The following SLC41A3 variants were observed in gnomAD, a reference collection of about 807,000 sequenced individuals.
SLC41A3 encodes SLC41A1-like 2.
A neutral mutation model predicts 45.4 loss-of-function variants in SLC41A3; 44 were observed. The observed-to-expected ratio is 0.97, with a 90% CI of 0.76 to 1.25. The LOEUF (loss-of-function observed/expected upper bound fraction) is 1.25, where lower values mean the gene tolerates loss of function less well. Ranked by LOEUF, SLC41A3 falls within the 50% of genes most tolerant of loss-of-function variation. The probability of loss-of-function intolerance (pLI) is 0.00; values close to 1 mark genes in which losing one functional copy is unlikely to be tolerated. For missense variants in SLC41A3, 550 were observed against 600.6 expected (o/e 0.92, Z 0.88); for synonymous variants, 256 against 252.4 (o/e 1.01, Z -0.13).
chr3:126,086,426 TTTTTTTTTTTTG>T (rs1945393771), upstream of SLC41A3, among the ~76,000 whole-genome samples: 2 of 143,380 alleles, frequency 1.4e-5, no homozygotes, highest in Admixed American at 7.0e-5. Flanking sequence ...TTTTTTTTTT[TTTTTTTTTTTTG>T]CAAGCTGGGG....
At chr3:126,086,408 G>GTTTTTTTTTTTTTTTTTT (rs57316346), upstream of SLC41A3, among the ~76,000 whole-genome samples, 2 of 21,178 alleles carry the variant, frequency 9.4e-5, no homozygotes, top group Non-Finnish European at 2.2e-4. Flanking sequence ...TTGTTTTCTT[G>GTTTTTTTTTTTTTTTTTT]TTTTTTTTTT....
At chr3:126,039,956 T>G (rs1030656767) in intron 3 of SLC41A3, among the ~76,000 whole-genome samples, 2 of 152,178 alleles carry the variant, frequency 1.3e-5, no homozygotes, top group African/African-American at 4.8e-5. Flanking sequence ...AGATCTTGTT[T>G]GCTAAATTCA....
intron 4 of SLC41A3, among the ~76,000 whole-genome samples, chr3:126,031,414 C>T (rs990681454): frequency 3.3e-5 from 5 of 152,130 alleles, no homozygotes; most frequent in Non-Finnish European, 7.4e-5. Context: ...GCTAGGAAGA[C>T]CTCAAGGCCC....
chr3:126,043,180 G>C (rs964042834), intron 3 of SLC41A3, among the ~76,000 whole-genome samples: 2 of 152,070 alleles, frequency 1.3e-5, no homozygotes, highest in Non-Finnish European at 1.5e-5. Flanking sequence ...ACATACAAAA[G>C]ATCCTCAATA....
chr3:126,098,446 C>T (rs1416856611), intron 1 of SLC41A3, among the ~76,000 whole-genome samples: 1 of 152,214 alleles, frequency 6.6e-6, no homozygotes, highest in Non-Finnish European at 1.5e-5. Flanking sequence ...GCCCCTGGGC[C>T]ATGGTATTTT....
chr3:126,049,352 T>C (rs1465057189), intron 3 of SLC41A3, among the ~76,000 whole-genome samples: 1 of 152,154 alleles, frequency 6.6e-6, no homozygotes, highest in Non-Finnish European at 1.5e-5. Context: ...CCGGGTGTGA[T>C]GGCACACACC....
At chr3:126,059,259 GAAAGAAGA>G (rs1943880175) in intron 2 of SLC41A3, among the ~76,000 whole-genome samples, 2 of 3,354 alleles carry the variant, frequency 6.0e-4, no homozygotes, top group African/African-American at 1.1e-3. Flanking sequence ...AAGAAAGAAA[GAAAGAAGA>G]AAGAAAGAAA....
chr3:126,098,854 G>A (rs899165482), intron 1 of SLC41A3, among the ~76,000 whole-genome samples: 12 of 151,702 alleles, frequency 7.9e-5, no homozygotes, highest in Admixed American at 7.9e-4. Context: ...CTGGGAACAG[G>A]CCCCAGTGGT....
At chr3:126,081,165 G>C (rs1945130662) in intron 1 of SLC41A3, among the ~76,000 whole-genome samples, 1 of 152,150 alleles carries the variant, frequency 6.6e-6, no homozygotes, top group Non-Finnish European at 1.5e-5. Context: ...ACACAATGGA[G>C]TACTATTCAG....
intron 8 of SLC41A3, among the ~76,000 whole-genome samples, chr3:126,014,784 GTTC>G (rs1022036426): frequency 1.3e-4 from 20 of 152,338 alleles, no homozygotes; most frequent in African/African-American, 4.8e-4. Context: ...AACATGTTTT[GTTC>G]TTCTCCTAAC....
chr3:126,087,227 GA>G (rs1217602062), upstream of SLC41A3, among the ~76,000 whole-genome samples: 2 of 151,906 alleles, frequency 1.3e-5, no homozygotes, highest in African/African-American at 2.4e-5. Context: ...TGAGTTACTG[GA>G]AAAAATACTC....
Position 126,012,747 on chromosome 3 carries a change from C to T in SLC41A3, c.973G>A (p.Val325Ile), listed in dbSNP as rs1939852343. ...MAIFTPVICGVGGNLVAIQTS... is the reference protein window; with the variant it reads ...MAIFTPVICGIGGNLVAIQTS... Reference sequence around the variant, plus strand: ...TGAATGGCCACCAGATTGCCACCAACACCTACGAGGAGAAAAGGAATCTGT... The same window carrying T: ...TGAATGGCCACCAGATTGCCACCAATACCTACGAGGAGAAAAGGAATCTGT... The change falls in exon 9 of 11, where the codon GTT becomes ATT. Residue 325 changes from valine to isoleucine, a missense_variant and splice_region_variant. Val to Ile is a conservative substitution (Grantham distance 29, BLOSUM62 3). Transcript: ENST00000360370. The T allele has an allele frequency of 6.2e-7, 1 of 1,614,192 alleles. No individual in the cohort carries two copies. The highest frequency in any genetic ancestry group is 1.7e-5 in the Admixed American group (1 of 60,026).
chr3:126,011,078 C>G (rs1202574380), intron 9 of SLC41A3, among the ~76,000 whole-genome samples: 1 of 152,176 alleles, frequency 6.6e-6, no homozygotes, highest in Non-Finnish European at 1.5e-5. Context: ...AGACAACCAA[C>G]AGACAGCAGA....
chr3:126,048,801 ATGTTC>A (rs1321649439), intron 3 of SLC41A3, among the ~76,000 whole-genome samples: 1 of 152,126 alleles, frequency 6.6e-6, no homozygotes, highest in Non-Finnish European at 1.5e-5. Flanking sequence ...GGAGATGGAG[ATGTTC>A]TGTGTCTCAA....
intron 2 of SLC41A3, chr3:126,067,680 A>C: frequency 1.8e-6 from 1 of 541,960 alleles, no homozygotes; most frequent in Non-Finnish European, 3.4e-6. Context: ...TTAAACTTCA[A>C]AGTACATCAG....
At chr3:126,098,666 C>T (rs575331228) in intron 1 of SLC41A3, among the ~76,000 whole-genome samples, 1 of 152,256 alleles carries the variant, frequency 6.6e-6, no homozygotes, top group Non-Finnish European at 1.5e-5. Context: ...GCAGGCCTGG[C>T]CCTGCCCACA....
intron 3 of SLC41A3, among the ~76,000 whole-genome samples, chr3:126,034,363 G>C (rs1942033720): frequency 6.6e-6 from 1 of 152,160 alleles, no homozygotes; most frequent in Non-Finnish European, 1.5e-5. Context: ...AATCAGAAAA[G>C]TTTTCAAAGC....
In SLC41A3 at chr3:126,056,771, G is replaced by A. The variant is rs369167386; in HGVS notation, c.274-5721C>T. 298 of 1,386,080 alleles carry A rather than the reference G, an allele frequency of 2.1e-4. 1 individual carries two copies. The East Asian group carries it at 5.7e-3, about 27-fold the overall frequency. The allele number at this position is 1,386,080 out of a possible 1,614,324, so 85.9% of individuals were successfully genotyped here. A position where few individuals can be genotyped will look rare whatever the true frequency, so the allele number is the denominator to read the frequency against. ...AGGAACAAAGGCCAGTGTGACTCACGGCCTCATTACAGAGACTCTGCCAGG... is the reference window on the plus strand; with the variant it reads ...AGGAACAAAGGCCAGTGTGACTCACAGCCTCATTACAGAGACTCTGCCAGG... On this transcript the variant is annotated intron_variant, in intron 2 of 10. Transcript: ENST00000360370.
At chr3:126,054,358 T>C (rs1943526042) in intron 2 of SLC41A3, among the ~76,000 whole-genome samples, 1 of 152,102 alleles carries the variant, frequency 6.6e-6, no homozygotes, top group Non-Finnish European at 1.5e-5. Flanking sequence ...TACCTTGAGG[T>C]GGTCCATGGA....
Sources: gnomAD v4.1 joint callset for allele counts (sites outside exome capture counted in the v4.1 genomes callset) on GRCh38, gnomAD v4.1.1 for gene constraint, MANE v1.5 for transcripts, NCBI Gene and HGNC (gene_info 2026-07-23, HGNC 2026-07-21) for gene names.